The following TENM2 variants were observed in gnomAD, a reference collection of about 807,000 sequenced individuals.
TENM2 encodes teneurin transmembrane protein 2.
A neutral mutation model predicts 245.2 loss-of-function variants in TENM2; 52 were observed. The observed-to-expected ratio is 0.21, with a 90% CI of 0.17 to 0.27. The LOEUF is 0.27. TENM2 is among the 10% of genes least tolerant of loss of function. The probability of loss-of-function intolerance (pLI) is 1.00; values close to 1 mark genes in which losing one functional copy is unlikely to be tolerated. For missense variants in TENM2, 3,046 were observed against 3,666.8 expected (o/e 0.83, Z 4.37); for synonymous variants, 1,363 against 1,438.9 (o/e 0.95, Z 1.19).
intron 3 of TENM2, among the ~76,000 whole-genome samples, chr5:167,884,213 G>A (rs963747101): frequency 3.3e-5 from 5 of 152,168 alleles, no homozygotes; most frequent in African/African-American, 4.8e-5. Flanking sequence ...GAGAGTACTT[G>A]TTTCCTAATT....
chr5:167,558,113 A>C (rs1379524995), intron 2 of TENM2, among the ~76,000 whole-genome samples: 1 of 152,190 alleles, frequency 6.6e-6, no homozygotes, highest in African/African-American at 2.4e-5. Flanking sequence ...AATGGGTTCA[A>C]GCCCGTCAGA....
intron 1 of TENM2, among the ~76,000 whole-genome samples, chr5:167,340,965 G>T (rs1758063851): frequency 6.6e-6 from 1 of 152,066 alleles, no homozygotes; most frequent in South Asian, 2.1e-4. Context: ...TTGCTCGGCT[G>T]TCATGCTTTC....
At chr5:167,350,413 ATGTGTGTGTGTG>A (rs35747170) in intron 1 of TENM2, among the ~76,000 whole-genome samples, 5 of 141,892 alleles carry the variant, frequency 3.5e-5, no homozygotes, top group Non-Finnish European at 6.1e-5. Context: ...ATACATATAT[ATGTGTGTGTGTG>A]TGTGTGTGTG....
chr5:167,823,014 G>A (rs1376180775), intron 2 of TENM2, among the ~76,000 whole-genome samples: 1 of 152,132 alleles, frequency 6.6e-6, no homozygotes, highest in African/African-American at 2.4e-5. Context: ...GAAAAAAATA[G>A]GTAAATGTAT....
At chr5:167,271,321 G>T in the TENM2 span, among the ~76,000 whole-genome samples, 1 of 152,006 alleles carries the variant, frequency 6.6e-6, no homozygotes, top group Non-Finnish European at 1.5e-5. Context: ...AGAGCTGATG[G>T]GTCTGCATGT....
At chr5:167,565,865 G>A (rs942273142) in intron 2 of TENM2, among the ~76,000 whole-genome samples, 27 of 152,114 alleles carry the variant, frequency 1.8e-4, no homozygotes, top group Admixed American at 2.6e-4. Flanking sequence ...TTTAACTGGC[G>A]TCTATATTCT....
chr5:167,597,165 C>CT (rs34227363), intron 2 of TENM2, among the ~76,000 whole-genome samples: 2,831 of 53,754 alleles, frequency 0.053, 90 homozygotes, highest in African/African-American at 0.078. Context: ...CTTTTCTTTT[C>CT]TTTTTTTTTT....
chr5:167,980,109 A>C (rs985916936), intron 4 of TENM2, among the ~76,000 whole-genome samples: 1 of 152,178 alleles, frequency 6.6e-6, no homozygotes, highest in Admixed American at 6.5e-5. Flanking sequence ...TACAATGGTG[A>C]GGAAGAAGAT....
chr5:167,028,472 T>C, the TENM2 span, among the ~76,000 whole-genome samples: 1 of 152,172 alleles, frequency 6.6e-6, no homozygotes, highest in African/African-American at 2.4e-5. Context: ...TGTTTTATCA[T>C]GTTTTTATTC....
intron 14 of TENM2, among the ~76,000 whole-genome samples, chr5:168,192,768 A>G (rs1481057899): frequency 1.3e-5 from 2 of 152,214 alleles, no homozygotes; most frequent in Non-Finnish European, 2.9e-5. Flanking sequence ...TCATCTTGCT[A>G]GAGACCCGTG....
At chr5:167,451,057 C>A in intron 2 of TENM2, among the ~76,000 whole-genome samples, 1 of 152,142 alleles carries the variant, frequency 6.6e-6, no homozygotes, top group African/African-American at 2.4e-5. Context: ...TAAACTGTTT[C>A]GTAAAATGTA....
the TENM2 span, among the ~76,000 whole-genome samples, chr5:167,011,203 ATGG>A: frequency 6.6e-6 from 1 of 152,228 alleles, no homozygotes; most frequent in Non-Finnish European, 1.5e-5. Context: ...GTACAAGCAA[ATGG>A]TTAACACCAA....
In TENM2 at chr5:167,702,573, C is replaced by T. The variant is rs5022506; in HGVS notation, c.503-173413C>T. On this transcript the variant is annotated intron_variant, in intron 2 of 28. Transcript: ENST00000518659. ...GTGTGTATATATATATATATATATA[C>T]ATATATATATATATTTCTTTACATA... 5.1e-3 allele frequency among the ~76,000 whole-genome samples: 517 copies of T among 101,416 alleles called. 3 individuals carry two copies. The highest frequency in any genetic ancestry group is 0.021 in the African/African-American group (464 of 22,126). The allele number at this position is 101,416 out of a possible 152,430, so 66.5% of individuals were successfully genotyped here.
intron 2 of TENM2, among the ~76,000 whole-genome samples, chr5:167,452,946 T>TATATATATATATATATATATATTTTAA (rs1561968087): frequency 9.2e-5 from 1 of 10,848 alleles, no homozygotes; most frequent in African/African-American, 1.9e-4. Flanking sequence ...TATATATATA[T>TATATATATATATATATATATATTTTAA]ATATATATAT....
intron 9 of TENM2, among the ~76,000 whole-genome samples, chr5:168,105,114 G>A (rs1029739227): frequency 5.3e-5 from 8 of 152,174 alleles, no homozygotes; most frequent in African/African-American, 1.2e-4. Flanking sequence ...TAAAATGTGC[G>A]TGTTATAAAT....
chr5:168,000,289 G>C (rs148804007), intron 5 of TENM2, among the ~76,000 whole-genome samples: 1 of 152,182 alleles, frequency 6.6e-6, no homozygotes, highest in Non-Finnish European at 1.5e-5. Context: ...CTAATGGACT[G>C]TAAATTAGTG....
the TENM2 span, among the ~76,000 whole-genome samples, chr5:167,268,814 G>A: frequency 6.6e-6 from 1 of 151,962 alleles, no homozygotes; most frequent in Non-Finnish European, 1.5e-5. Flanking sequence ...TACAGAAGAT[G>A]TTTGTTGATC....
intron 3 of TENM2, 89 bp downstream of exon 5, chr5:167,876,284 C>A: frequency 2.6e-6 from 3 of 1,153,376 alleles, no homozygotes; most frequent in South Asian, 1.4e-5. Context: ...GAAACAAGGG[C>A]TGGGGGAAGG....
At chr5:167,088,558 C>A in the TENM2 span, among the ~76,000 whole-genome samples, 1 of 151,336 alleles carries the variant, frequency 6.6e-6, no homozygotes, top group Non-Finnish European at 1.5e-5. Context: ...ACCTGGGAGG[C>A]GGAGGTTGCA....
Sources: allele counts gnomAD v4.1 joint callset (sites outside exome capture counted in the v4.1 genomes callset), GRCh38; gene constraint gnomAD v4.1.1; transcripts MANE v1.5; gene names NCBI Gene and HGNC (gene_info 2026-07-23, HGNC 2026-07-21).